The following NRXN1 variants were observed in gnomAD, a reference collection of about 807,000 sequenced individuals.
NRXN1 encodes the protein neurexin 1.
NRXN1 carries 39 observed loss-of-function variants against 150.9 expected under a neutral mutation model. The observed-to-expected ratio is 0.26, with a 90% CI of 0.20 to 0.34. NRXN1 has a LOEUF of 0.34. Ranked by LOEUF, NRXN1 falls within the 10% of genes least tolerant of loss-of-function variation. The pLI is 1.00. For missense variants in NRXN1, 1,815 were observed against 1,949.9 expected (o/e 0.93, Z 1.30); for synonymous variants, 924 against 757.0 (o/e 1.22, Z -3.62).
At chr2:50,521,212 C>T (rs1181620914) in intron 12 of NRXN1, among the ~76,000 whole-genome samples, 6 of 152,082 alleles carry the variant, frequency 3.9e-5, no homozygotes, top group African/African-American at 9.7e-5. Flanking sequence ...TCTTAAATCA[C>T]GCATTTCAAA....
intron 12 of NRXN1, among the ~76,000 whole-genome samples, chr2:50,524,507 A>G (rs2092888583): frequency 1.3e-5 from 2 of 150,572 alleles, no homozygotes; most frequent in African/African-American, 4.9e-5. Context: ...AAATAAATAA[A>G]TAAATAAATA....
chr2:50,702,434 G>T (rs917630487), intron 5 of NRXN1, among the ~76,000 whole-genome samples: 3 of 151,726 alleles, frequency 2.0e-5, no homozygotes, highest in Non-Finnish European at 4.4e-5. Context: ...CTGAAAGAAT[G>T]ACAAATAGCT....
chr2:50,735,441 A>G (rs1311828153), intron 5 of NRXN1, among the ~76,000 whole-genome samples: 1 of 152,150 alleles, frequency 6.6e-6, no homozygotes, highest in African/African-American at 2.4e-5. Context: ...AGAGGCACAC[A>G]ATTTACAGTC....
At chr2:50,643,601 T>A (rs905605219) in intron 5 of NRXN1, among the ~76,000 whole-genome samples, 27 of 151,932 alleles carry the variant, frequency 1.8e-4, no homozygotes, top group African/African-American at 6.5e-4. Flanking sequence ...GATATTGGAA[T>A]CTAATTTTAC....
chr2:51,011,622 T>G (rs1034058666), intron 2 of NRXN1, among the ~76,000 whole-genome samples: 1 of 151,996 alleles, frequency 6.6e-6, no homozygotes, highest in Non-Finnish European at 1.5e-5. Context: ...CCAAGACATG[T>G]GAACACAATT....
intron 2 of NRXN1, among the ~76,000 whole-genome samples, chr2:50,929,335 T>G (rs945204770): frequency 3.3e-5 from 5 of 152,124 alleles, no homozygotes; most frequent in Non-Finnish European, 7.4e-5. Context: ...ATCTCCTTTC[T>G]GTATAATCAG....
intron 17 of NRXN1, among the ~76,000 whole-genome samples, chr2:50,438,750 G>T (rs2085668793): frequency 6.6e-6 from 1 of 152,124 alleles, no homozygotes; most frequent in African/African-American, 2.4e-5. Context: ...TCAGAAAAGG[G>T]TCTAATGCTT....
intron 17 of NRXN1, among the ~76,000 whole-genome samples, chr2:50,453,123 A>C (rs2087159786): frequency 1.3e-5 from 2 of 152,218 alleles, no homozygotes; most frequent in Admixed American, 6.5e-5. Flanking sequence ...TCATTCTATT[A>C]AAGTCTTTCA....
At chr2:50,973,078 A>C (rs1695268560) in intron 2 of NRXN1, among the ~76,000 whole-genome samples, 1 of 152,146 alleles carries the variant, frequency 6.6e-6, no homozygotes, top group Non-Finnish European at 1.5e-5. Flanking sequence ...TTTATCAATT[A>C]AAAAAATAAC....
intron 5 of NRXN1, among the ~76,000 whole-genome samples, chr2:50,682,668 A>G (rs1690578310): frequency 6.6e-6 from 1 of 152,182 alleles, no homozygotes; most frequent in Non-Finnish European, 1.5e-5. Flanking sequence ...AGATAAAACC[A>G]TCATACTCTA....
At chr2:50,097,836 T>G (rs1646797698) in intron 18 of NRXN1, among the ~76,000 whole-genome samples, 1 of 152,008 alleles carries the variant, frequency 6.6e-6, no homozygotes, top group East Asian at 1.9e-4. Flanking sequence ...GCAGGGTTTT[T>G]CCATGTTGGT....
intron 5 of NRXN1, among the ~76,000 whole-genome samples, chr2:50,806,154 C>A (rs1244689550): frequency 6.6e-6 from 1 of 152,108 alleles, no homozygotes; most frequent in African/African-American, 2.4e-5. Flanking sequence ...AATGCAACAG[C>A]AGGCATACAT....
chr2:49,946,331 T>C (rs897836674), intron 21 of NRXN1, among the ~76,000 whole-genome samples: 1 of 152,182 alleles, frequency 6.6e-6, no homozygotes, highest in South Asian at 2.1e-4. Context: ...TCCCATTCTG[T>C]AGGTTGCCTG....
intron 5 of NRXN1, among the ~76,000 whole-genome samples, chr2:50,821,610 G>A (rs1410409162): frequency 6.6e-6 from 1 of 152,156 alleles, no homozygotes; most frequent in Non-Finnish European, 1.5e-5. Flanking sequence ...AGTGTCTTGT[G>A]AAAGATGAGA....
intron 5 of NRXN1, among the ~76,000 whole-genome samples, chr2:50,712,532 C>T (rs1382050292): frequency 6.6e-6 from 1 of 152,108 alleles, no homozygotes; most frequent in Non-Finnish European, 1.5e-5. Context: ...CCTTATATAT[C>T]CTTTTGCACT....
intron 5 of NRXN1, among the ~76,000 whole-genome samples, chr2:50,741,211 T>C (rs1279598119): frequency 6.6e-6 from 1 of 152,196 alleles, no homozygotes. Context: ...AGTCTGGACT[T>C]AAATGATTCC....
intron 5 of NRXN1, among the ~76,000 whole-genome samples, chr2:50,742,257 A>G (rs1277537499): frequency 7.4e-5 from 11 of 148,752 alleles, no homozygotes. Flanking sequence ...TAAATGCAAT[A>G]TTTACATATA....
intron 5 of NRXN1, among the ~76,000 whole-genome samples, chr2:50,803,642 C>T (rs1163889639): frequency 6.6e-6 from 1 of 152,126 alleles, no homozygotes; most frequent in Admixed American, 6.5e-5. Context: ...AAAAGCATAT[C>T]CTTGCAAATG....
rs973163491 is a variant in NRXN1 at position 50,545,079 on chromosome 2, G to A, written c.1760-6443C>T. Among the ~76,000 whole-genome samples, 6 of 152,156 alleles carry A rather than the reference G, an allele frequency of 3.9e-5. No homozygotes were observed. In the South Asian group the frequency reaches 6.2e-4, roughly 16 times the overall value. On this transcript the variant is annotated intron_variant, in intron 9 of 22. Transcript: ENST00000401669. ...GAAGAAGAACTGGGAATTTTTCAAC[G>A]CCAAATTATTTTAGTGGTTATCTAT...
Sources: allele counts gnomAD v4.1 joint callset (sites outside exome capture counted in the v4.1 genomes callset), GRCh38; gene constraint gnomAD v4.1.1; transcripts MANE v1.5; gene names NCBI Gene and HGNC (gene_info 2026-07-23, HGNC 2026-07-21).